The following SPPL3 variants were observed in gnomAD, a reference collection of about 807,000 sequenced individuals.
The protein encoded by SPPL3 is signal peptide peptidase like 3.
Under a neutral mutation model 42.4 loss-of-function variants are expected in SPPL3, and 5 were observed. That is an observed-to-expected ratio of 0.12 (90% CI 0.06 to 0.25). SPPL3 has a LOEUF of 0.25. Ranked by LOEUF, SPPL3 falls within the 10% of genes least tolerant of loss-of-function variation. The probability of loss-of-function intolerance (pLI) is 1.00; values close to 1 mark genes in which losing one functional copy is unlikely to be tolerated. For missense variants in SPPL3, 235 were observed against 489.0 expected, an observed-to-expected ratio of 0.48 and a Z score of 4.90; for synonymous variants, 195 against 181.8, an observed-to-expected ratio of 1.07 and a Z score of -0.58.
chr12:120,895,383 C>T lies in SPPL3; in HGVS notation c.23+8462G>A, dbSNP rs985487382. On this transcript the variant is annotated intron_variant, in intron 1 of 10. Coordinates refer to ENST00000353487, the MANE Select transcript of SPPL3 (RefSeq NM_139015.5). ...TAGAGGTTGCAGTGAGCCAAGATCGCGCCACTGTACTCCAGCCTGGGTGAC... is the reference window on the plus strand; with the variant it reads ...TAGAGGTTGCAGTGAGCCAAGATCGTGCCACTGTACTCCAGCCTGGGTGAC... 6.6e-5 allele frequency among the ~76,000 whole-genome samples: 10 copies of T among 151,196 alleles called. 1 individual carries two copies. Among genetic ancestry groups the T allele is most frequent in the South Asian group, 4.2e-4 (2 of 4,782 alleles).
intron 6 of SPPL3, among the ~76,000 whole-genome samples, chr12:120,778,134 TGAGATGGAG>T (rs1869399340): frequency 6.9e-6 from 1 of 145,652 alleles, no homozygotes. Flanking sequence ...TTTTTTTTTT[TGAGATGGAG>T]TCTTACTCTG....
chr12:120,886,349 A>G (rs1187988890), intron 1 of SPPL3, among the ~76,000 whole-genome samples: 2 of 152,170 alleles, frequency 1.3e-5, no homozygotes, highest in Non-Finnish European at 2.9e-5. Flanking sequence ...TAGTTACTAT[A>G]GCAGAGCCCC....
intron 1 of SPPL3, among the ~76,000 whole-genome samples, chr12:120,882,171 G>A (rs1873306098): frequency 6.6e-6 from 1 of 152,012 alleles, no homozygotes; most frequent in African/African-American, 2.4e-5. Context: ...CTACCCACCA[G>A]TTTGACATTT....
At chr12:120,801,150 A>G (rs1442780435) in intron 2 of SPPL3, among the ~76,000 whole-genome samples, 1 of 152,044 alleles carries the variant, frequency 6.6e-6, no homozygotes, top group Non-Finnish European at 1.5e-5. Context: ...CTGAGGCCCT[A>G]CCTTGTCCAG....
At chr12:120,859,710 G>A (rs557515591) in intron 1 of SPPL3, among the ~76,000 whole-genome samples, 9 of 152,112 alleles carry the variant, frequency 5.9e-5, no homozygotes, top group African/African-American at 1.4e-4. Flanking sequence ...CTGGGAGGTC[G>A]AGGCGGGTGG....
chr12:120,807,717 A>G (rs1391076836), intron 2 of SPPL3, among the ~76,000 whole-genome samples: 1 of 152,004 alleles, frequency 6.6e-6, no homozygotes, highest in African/African-American at 2.4e-5. Context: ...AGAACAAGGG[A>G]AAGGTGGTAA....
At chr12:120,873,806 A>T (rs1370435176) in intron 1 of SPPL3, among the ~76,000 whole-genome samples, 1 of 152,124 alleles carries the variant, frequency 6.6e-6, no homozygotes, top group African/African-American at 2.4e-5. Flanking sequence ...CGGGAGGCGG[A>T]GGTTGCAGTG....
chr12:120,859,068 A>G (rs1049665068), intron 1 of SPPL3, among the ~76,000 whole-genome samples: 4 of 151,746 alleles, frequency 2.6e-5, no homozygotes, highest in African/African-American at 7.3e-5. Flanking sequence ...AAATCTCTCT[A>G]TGGGTAACTT....
chr12:120,901,739 T>C, intron 1 of SPPL3: 1 of 321,730 alleles, frequency 3.1e-6, no homozygotes, highest in Non-Finnish European at 4.5e-6. Flanking sequence ...AGGAGTTTCT[T>C]TGCCTGTAAA....
chr12:120,778,930 A>G (rs1013858471), intron 6 of SPPL3, among the ~76,000 whole-genome samples: 1 of 152,206 alleles, frequency 6.6e-6, no homozygotes, highest in African/African-American at 2.4e-5. Flanking sequence ...CAAATTGACC[A>G]GAACATCCTT....
In SPPL3 at chr12:120,762,775, G is replaced by A. The variant is rs1446374906; in HGVS notation, c.*2224C>T. On this transcript the variant is annotated 3_prime_UTR_variant, in exon 11 of 11. Coordinates refer to ENST00000353487, the MANE Select transcript of SPPL3 (RefSeq NM_139015.5). ...TGCCCAGCTAATTTTTGTGTTTTTA[G>A]TAGAGACGGGGTTTCACCATGTTGG... The A allele has an allele frequency of 3.3e-5, 5 of 152,026 alleles. No individual in the cohort carries two copies. The highest frequency in any genetic ancestry group is 7.4e-5 in the Non-Finnish European group (5 of 68,008). 9.4% of individuals were successfully genotyped at this position (152,026 alleles called of 1,614,324 possible).
intron 9 of SPPL3, 135 bp from the exon 10 acceptor site, chr12:120,766,507 C>T: frequency 1.6e-6 from 1 of 615,008 alleles, no homozygotes; most frequent in South Asian, 2.6e-5. Context: ...AAATGCCCAG[C>T]TTGGGCAGTT....
chr12:120,802,411 G>GTATATATATA (rs1383465712), intron 2 of SPPL3, among the ~76,000 whole-genome samples: 1 of 101,306 alleles, frequency 9.9e-6, no homozygotes, highest in African/African-American at 4.7e-5. Context: ...GTGTGTGTGT[G>GTATATATATA]TGTGTATATA....
intron 1 of SPPL3, among the ~76,000 whole-genome samples, chr12:120,865,910 C>T (rs7954254): frequency 0.11 from 16,066 of 152,210 alleles, 1,048 homozygotes; most frequent in East Asian, 0.3. Flanking sequence ...GTTCTACCTC[C>T]TGTCAGATCA....
intron 2 of SPPL3, among the ~76,000 whole-genome samples, chr12:120,795,484 G>T (rs925358522): frequency 3.9e-5 from 6 of 152,148 alleles, no homozygotes; most frequent in African/African-American, 1.4e-4. Context: ...ATTTTTAAAA[G>T]ATATTTTTGC....
chr12:120,880,784 C>T (rs1321394029), intron 1 of SPPL3, among the ~76,000 whole-genome samples: 2 of 151,326 alleles, frequency 1.3e-5, no homozygotes, highest in African/African-American at 4.9e-5. Flanking sequence ...GAGACTCCGT[C>T]TCGGGGGAAA....
rs561781183 is a variant in SPPL3, at chr12:120,872,910, T to C, written c.23+30935A>G. Among the ~76,000 whole-genome samples, 15 of 152,268 alleles carry C rather than the reference T, an allele frequency of 9.9e-5. No individual in the cohort carries two copies. In the South Asian group the frequency reaches 1.7e-3, roughly 17 times the overall value. The stretch of plus-strand genomic sequence containing the variant: ...TGTGTGACCAAATACAATCTGACAG[T>C]CTTTAGAGGAATACAGCAAATCCAG... On this transcript the variant is annotated intron_variant, in intron 1 of 10. Coordinates refer to ENST00000353487, the MANE Select transcript of SPPL3 (RefSeq NM_139015.5).
chr12:120,773,297 G>A (rs1869187903), intron 6 of SPPL3, among the ~76,000 whole-genome samples: 1 of 152,212 alleles, frequency 6.6e-6, no homozygotes, highest in Non-Finnish European at 1.5e-5. Context: ...GAACAACAGT[G>A]GTCAGCAGCA....
At chr12:120,812,106 G>GA (rs11406013) in intron 1 of SPPL3, among the ~76,000 whole-genome samples, 90,153 of 140,560 alleles carry the variant, frequency 0.64, 28,979 homozygotes, top group East Asian at 0.83. Flanking sequence ...CCATTTAGTG[G>GA]AAAAAAAAAA....
Sources: allele counts gnomAD v4.1 joint callset (sites outside exome capture counted in the v4.1 genomes callset), GRCh38; gene constraint gnomAD v4.1.1; transcripts MANE v1.5; gene names NCBI Gene and HGNC (gene_info 2026-07-23, HGNC 2026-07-21).